UGGT2: variants seen among roughly 807,000 people sequenced by gnomAD.
UGGT2 encodes UDP-glucose:glycoprotein glucosyltransferase 2.
UGGT2 carries 180 observed loss-of-function variants against 192.1 expected under a neutral mutation model. That is an observed-to-expected ratio of 0.94 (90% confidence interval 0.83 to 1.06). The LOEUF is 1.06. Ranked by LOEUF, UGGT2 falls within the 50% of genes least tolerant of loss-of-function variation. The pLI, the probability that UGGT2 is intolerant of heterozygous loss-of-function variation, is 0.00. For missense variants in UGGT2, 1,849 were observed against 1,795.7 expected, an observed-to-expected ratio of 1.03 and a Z score of -0.54; for synonymous variants, 580 against 591.0, an observed-to-expected ratio of 0.98 and a Z score of 0.27.
intron 7 of UGGT2, among the ~76,000 whole-genome samples, chr13:95,992,499 T>A (rs2051489487): frequency 6.6e-6 from 1 of 152,178 alleles, no homozygotes; most frequent in Admixed American, 6.6e-5. Context: ...TGAACATTAT[T>A]GGCTTTTAGT....
intron 10 of UGGT2, among the ~76,000 whole-genome samples, chr13:95,980,788 G>A (rs1261566114): frequency 2.6e-5 from 4 of 152,194 alleles, no homozygotes; most frequent in Non-Finnish European, 5.9e-5. Flanking sequence ...CCTGAGGTCA[G>A]GAGTTCGTGA....
At chr13:96,040,274 G>C (rs1269854714) in intron 1 of UGGT2, among the ~76,000 whole-genome samples, 1 of 152,210 alleles carries the variant, frequency 6.6e-6, no homozygotes, top group African/African-American at 2.4e-5. Flanking sequence ...TGGCAGGGCT[G>C]TGCTCCCTCT....
Position 95,887,941 on chromosome 13 carries a change from T to G in UGGT2, c.2989A>C (p.Lys997Gln). 1.2e-6 allele frequency: 2 copies of G among 1,604,352 alleles called. No homozygotes were observed. The highest frequency in any genetic ancestry group is 2.7e-5 in the African/African-American group (2 of 74,878). Reference protein sequence around the residue: ...VLGKIINMKIKLFMNCRGRLS... With the variant: ...VLGKIINMKIQLFMNCRGRLS... ...CTGCCCCTACAGTTCATGAACAACT[T>G]TATCTTCATGTTGATAATCTTGCCA... Residue 997 changes from lysine (K) to glutamine (Q), a missense_variant, in exon 26 of 39, where the codon AAG becomes CAG. Physicochemically the swap from Lys to Gln is moderately conservative, Grantham distance 53 (BLOSUM62 1). Coordinates refer to ENST00000376747, the MANE Select transcript of UGGT2 (RefSeq NM_020121.4).
intron 1 of UGGT2, among the ~76,000 whole-genome samples, chr13:96,045,870 A>G (rs2053295426): frequency 6.6e-6 from 1 of 152,234 alleles, no homozygotes; most frequent in Non-Finnish European, 1.5e-5. Flanking sequence ...CCCCACGCTC[A>G]TGGATGGGTA....
At chr13:95,876,601 A>C (rs9556505) in intron 29 of UGGT2, among the ~76,000 whole-genome samples, 58,611 of 151,980 alleles carry the variant, frequency 0.39, 11,496 homozygotes, top group Non-Finnish European at 0.42. Context: ...ACTTCCCTCT[A>C]CTTCCCCCAA....
chr13:95,965,564 G>A (rs1030266868), intron 12 of UGGT2, among the ~76,000 whole-genome samples: 1 of 144,944 alleles, frequency 6.9e-6, no homozygotes, highest in African/African-American at 2.6e-5. Flanking sequence ...GACACAGGAA[G>A]GGGAACATCA....
intron 20 of UGGT2, among the ~76,000 whole-genome samples, chr13:95,914,117 G>C (rs993393052): frequency 6.6e-6 from 1 of 152,012 alleles, no homozygotes; most frequent in African/African-American, 2.4e-5. Context: ...GCCTGAGGGA[G>C]GGATAGCATT....
In UGGT2 at chr13:95,940,845, G is replaced by A. The variant is rs150392919; in HGVS notation, c.1678-754C>T. 4.7e-4 allele frequency among the ~76,000 whole-genome samples: 71 copies of A among 152,126 alleles called. 1 individual carries two copies. Among genetic ancestry groups the A allele is most frequent in the Admixed American group, 2.7e-3 (41 of 15,280 alleles). The stretch of plus-strand genomic sequence containing the variant: ...TGGGCTCAAGCAATCTACCTGCCTC[G>A]GCCTCCCAAATAGTTGAGACTACAG... On this transcript the variant is annotated intron_variant, in intron 15 of 38. Coordinates refer to ENST00000376747, the MANE Select transcript of UGGT2 (RefSeq NM_020121.4).
intron 38 of UGGT2, among the ~76,000 whole-genome samples, chr13:95,802,847 T>G (rs911661830): frequency 1.3e-5 from 2 of 152,130 alleles, no homozygotes; most frequent in African/African-American, 4.8e-5. Context: ...GTTTGTTTGT[T>G]TTTTGAGACG....
chr13:95,936,020 G>T (rs1459030577), intron 17 of UGGT2, among the ~76,000 whole-genome samples: 1 of 152,026 alleles, frequency 6.6e-6, no homozygotes, highest in Non-Finnish European at 1.5e-5. Flanking sequence ...TAGAGCAGAG[G>T]TCTCACTGTG....
At chr13:95,842,585 G>A (rs1887981575) in intron 36 of UGGT2, among the ~76,000 whole-genome samples, 1 of 152,072 alleles carries the variant, frequency 6.6e-6, no homozygotes. Flanking sequence ...TGGATCTAGT[G>A]ACTACCTTCT....
At chr13:95,824,086 T>A (rs1296864759) in intron 38 of UGGT2, among the ~76,000 whole-genome samples, 1 of 152,094 alleles carries the variant, frequency 6.6e-6, no homozygotes, top group Non-Finnish European at 1.5e-5. Flanking sequence ...TGACTAACAG[T>A]TATTCTGTTT....
At chr13:95,848,656 C>T (rs549501452) in intron 36 of UGGT2, among the ~76,000 whole-genome samples, 19 of 152,184 alleles carry the variant, frequency 1.2e-4, no homozygotes, top group African/African-American at 4.1e-4. Flanking sequence ...ATTCTTTTGC[C>T]AACATACTGT....
chr13:95,932,172 T>G lies in UGGT2; in HGVS notation c.1977+4752A>C, dbSNP rs1485095907. 3.3e-5 allele frequency among the ~76,000 whole-genome samples: 5 copies of G among 152,206 alleles called. No homozygotes were observed. In the East Asian group the frequency reaches 9.6e-4, roughly 29 times the overall value. ...TTGGGCAGTATGGCCATGTTAACAA[T>G]ATTTAGTCTTCCAATCCGTGAGCAT... On this transcript the variant is annotated intron_variant, in intron 17 of 38. Transcript: ENST00000376747.
intron 7 of UGGT2, among the ~76,000 whole-genome samples, chr13:95,991,660 A>T (rs2051462226): frequency 6.6e-6 from 1 of 152,194 alleles, no homozygotes; most frequent in Non-Finnish European, 1.5e-5. Flanking sequence ...AAAGAAGTTC[A>T]CTATGAATTA....
intron 1 of UGGT2, 38 bp downstream of exon 1, chr13:96,053,117 C>T (rs1297760558): frequency 2.8e-6 from 4 of 1,440,950 alleles, no homozygotes; most frequent in Non-Finnish European, 3.6e-6. Context: ...TGGCAGCGCG[C>T]CCACACCCGC....
intron 25 of UGGT2, among the ~76,000 whole-genome samples, chr13:95,890,138 T>C (rs763079551): frequency 1.3e-5 from 2 of 152,212 alleles, no homozygotes; most frequent in Non-Finnish European, 2.9e-5. Context: ...AACTCCATGT[T>C]TCCCCTTTCC....
intron 20 of UGGT2, among the ~76,000 whole-genome samples, chr13:95,903,284 A>C (rs2048165684): frequency 6.6e-6 from 1 of 152,146 alleles, no homozygotes; most frequent in Non-Finnish European, 1.5e-5. Context: ...ATTCATTTGT[A>C]ATGTAACATT....
At chr13:95,912,273 A>G (rs770574190) in intron 20 of UGGT2, among the ~76,000 whole-genome samples, 1 of 152,192 alleles carries the variant, frequency 6.6e-6, no homozygotes, top group African/African-American at 2.4e-5. Context: ...AGGGTGTTCA[A>G]TTAGAAAATG....
Sources: allele counts gnomAD v4.1 joint callset (sites outside exome capture counted in the v4.1 genomes callset), GRCh38; gene constraint gnomAD v4.1.1; transcripts MANE v1.5; gene names NCBI Gene and HGNC (gene_info 2026-07-23, HGNC 2026-07-21).